Variants in ECI1 observed in about 807,000 individuals in gnomAD.
The protein encoded by ECI1 is enoyl-CoA delta isomerase 1, mitochondrial.
In ECI1, 34 loss-of-function variants were observed where a neutral mutation model predicts 34.2. The observed-to-expected ratio is 1.00, with a 90% confidence interval of 0.76 to 1.33. The LOEUF is 1.33. ECI1 is among the 40% of genes most tolerant of loss of function. The probability of loss-of-function intolerance (pLI) is 0.00; values close to 1 mark genes in which losing one functional copy is unlikely to be tolerated. For synonymous variants in ECI1, 211 were observed against 193.0 expected (o/e 1.09, Z -0.77); for missense variants, 456 against 422.2 (o/e 1.08, Z -0.70).
intron 3 of ECI1, among the ~76,000 whole-genome samples, chr16:2,245,528 G>A (rs1179147100): frequency 6.6e-6 from 1 of 152,162 alleles, no homozygotes; most frequent in African/African-American, 2.4e-5. Flanking sequence ...CACAGAATGG[G>A]TAGGCCGGTC....
Position 2,243,414 on chromosome 16 carries a change from A to AGGCAGCCTCCAGCGG in ECI1, c.452_466dup (p.Pro151_Cys155dup), listed in dbSNP as rs778293965. The stretch of plus-strand genomic sequence containing the variant: ...GCGGTAGTCACAGGTCAGGGCCACC[A>AGGCAGCCTCCAGCGG]GGCAGCCTCCAGCGGGGCAGGCTCC... On this transcript the variant is annotated inframe_insertion, in exon 5 of 7. Coordinates refer to ENST00000301729, the MANE Select transcript of ECI1 (RefSeq NM_001919.4). The AGGCAGCCTCCAGCGG allele has an allele frequency of 2.5e-5, 40 of 1,613,314 alleles. No individual in the cohort carries two copies. Among genetic ancestry groups the AGGCAGCCTCCAGCGG allele is most frequent in the Non-Finnish European group, 3.3e-5 (39 of 1,180,032 alleles).
At chr16:2,242,941 T>G in intron 6 of ECI1, 105 bp downstream of exon 6, 2 of 903,242 alleles carry the variant, frequency 2.2e-6, no homozygotes, top group Non-Finnish European at 3.5e-6. Flanking sequence ...ATGGCTGTGA[T>G]TATCAACAGT....
At chr16:2,242,391 C>G (rs1174191045) in intron 6 of ECI1, 2 of 153,814 alleles carry the variant, frequency 1.3e-5, no homozygotes, top group Non-Finnish European at 2.9e-5. Flanking sequence ...ACAGAGCCCA[C>G]AAGCCACCTG....
intron 2 of ECI1, among the ~76,000 whole-genome samples, chr16:2,248,143 C>CT (rs1171205548): frequency 2.6e-5 from 4 of 152,130 alleles, no homozygotes; most frequent in African/African-American, 9.7e-5. Context: ...GTCGCCCAGG[C>CT]TGGAGTGCAG....
chr16:2,240,102 C>T lies in ECI1; in HGVS notation c.786G>A (p.Thr262=), dbSNP rs201856225. ...QLTKAMMRKA[T]ASRLVTQRDA... Reference sequence around the variant, plus strand: ...CGCGCTGCGTGACCAGGCGGCTGGCCGTGGCCTTTCGCATCATGGCCTTGG... The same window carrying T: ...CGCGCTGCGTGACCAGGCGGCTGGCTGTGGCCTTTCGCATCATGGCCTTGG... Residue 262 remains threonine, a synonymous_variant, in exon 7 of 7, where the codon ACG becomes ACA. Transcript: ENST00000301729. 42 of 1,613,828 alleles carry T rather than the reference C, an allele frequency of 2.6e-5. No individual in the cohort carries two copies. The highest frequency in any genetic ancestry group is 1.1e-4 in the East Asian group (5 of 44,874).
chr16:2,249,594 G>T (rs1372614913), intron 2 of ECI1, among the ~76,000 whole-genome samples: 1 of 151,688 alleles, frequency 6.6e-6, no homozygotes, highest in African/African-American at 2.4e-5. Context: ...AACGTAAGCC[G>T]GGCGCGGTGG....
At position 2,239,609 on chromosome 16, in the gene ECI1, C is replaced by G; in HGVS notation, c.*370G>C. ...TGTGGGTCATGGGGGCCAAGACCAC[C>G]TGGCCTTACACCTAAGAGCAGGCAG... On this transcript the variant is annotated 3_prime_UTR_variant, in exon 7 of 7. Coordinates refer to ENST00000301729, the MANE Select transcript of ECI1 (RefSeq NM_001919.4). The G allele has an allele frequency of 2.8e-6, 1 of 353,792 alleles. No homozygotes were observed. Among genetic ancestry groups the G allele is most frequent in the Non-Finnish European group, 5.5e-6 (1 of 181,618 alleles). 21.9% of individuals were successfully genotyped at this position (353,792 alleles called of 1,614,324 possible). A position where few individuals can be genotyped will look rare whatever the true frequency, so the allele number is the denominator to read the frequency against.
Position 2,239,945 on chromosome 16 carries a change from C to A in ECI1, c.*34G>T, listed in dbSNP as rs763899958. ...AAGACCTCCCTGGGACCCACAGGGGCACGTGTGGCCGTAAGCCTGTGGCAG... is the reference window on the plus strand; with the variant it reads ...AAGACCTCCCTGGGACCCACAGGGGAACGTGTGGCCGTAAGCCTGTGGCAG... On this transcript the variant is annotated 3_prime_UTR_variant, in exon 7 of 7. Transcript: ENST00000301729. 6.2e-7 allele frequency: 1 copy of A among 1,610,774 alleles called. No homozygotes were observed. The highest frequency in any genetic ancestry group is 1.1e-5 in the South Asian group (1 of 91,028).
chr16:2,250,681 T>G (rs1033545341), intron 2 of ECI1, among the ~76,000 whole-genome samples: 2 of 152,170 alleles, frequency 1.3e-5, no homozygotes, highest in Non-Finnish European at 2.9e-5. Flanking sequence ...TTACCAAGGG[T>G]TCTGACGGGC....
At chr16:2,244,250 C>T (rs1257575735) in intron 4 of ECI1, 156 bp downstream of exon 4, 13 of 890,016 alleles carry the variant, frequency 1.5e-5, no homozygotes, top group Admixed American at 2.1e-5. Flanking sequence ...CAACACGCCC[C>T]GTGGTCTGCG....
chr16:2,243,173 G>C lies in ECI1; in HGVS notation c.615C>G (p.Ala205=), dbSNP rs778612817. Residue 205 remains alanine (A), a synonymous_variant, in exon 6 of 7, where the codon GCC becomes GCG. Transcript: ENST00000301729. ...NTIGHRAAER[A]LQLGLLFPPA... is the part of the protein sequence containing the mutation. ...GCGGGAAGAGCAGCCCCAGCTGCAG[G>C]GCACGCTCCGCCGCCCGGTGCCCGA... 6.2e-7 allele frequency: 1 copy of C among 1,608,430 alleles called. No individual in the cohort carries two copies. Among genetic ancestry groups the C allele is most frequent in the East Asian group, 2.2e-5 (1 of 44,876 alleles).
rs2093541591 is a variant in ECI1, at chr16:2,246,894, T to C, written c.259A>G (p.Asn87Asp). Residue 87 changes from asparagine (N) to aspartate (D), a missense_variant, in exon 3 of 7, where the codon AAT becomes GAT. Transcript: ENST00000301729. ...ATGACACCGCGGAAGCTCTTGTCAT[T>C]CTCCAGCTTCTCCAGGCTGATGACC... ...ELVISLEKLE[N>D]DKSFRGVILT... The C allele has an allele frequency of 1.9e-6, 3 of 1,613,522 alleles. No homozygotes were observed. Among genetic ancestry groups the C allele is most frequent in the African/African-American group, 2.7e-5 (2 of 75,008 alleles).
intron 6 of ECI1, chr16:2,240,848 C>A (rs895882835): frequency 1.3e-5 from 2 of 152,016 alleles, no homozygotes; most frequent in Non-Finnish European, 2.9e-5. Context: ...AGGAGCATTA[C>A]CATGCCCGGC....
At chr16:2,243,633 C>A (rs530580529) in intron 4 of ECI1, among the ~76,000 whole-genome samples, 194 bp from the exon 5 acceptor site, 1 of 152,166 alleles carries the variant, frequency 6.6e-6, no homozygotes, top group Non-Finnish European at 1.5e-5. Context: ...CCTTAGCGCT[C>A]GGCAAGGAGG....
chr16:2,244,776 G>A (rs926926146), intron 3 of ECI1, among the ~76,000 whole-genome samples: 4 of 152,134 alleles, frequency 2.6e-5, no homozygotes, highest in African/African-American at 9.7e-5. Context: ...TCCCTTTCCC[G>A]CTTCAAACTG....
chr16:2,247,807 A>T (rs969282833), intron 2 of ECI1, among the ~76,000 whole-genome samples: 1 of 152,152 alleles, frequency 6.6e-6, no homozygotes, highest in African/African-American at 2.4e-5. Flanking sequence ...CCTGGGCTCC[A>T]GCGATCCTCC....
chr16:2,239,727 G>A lies in ECI1; in HGVS notation c.*252C>T. 1.9e-6 allele frequency: 1 copy of A among 532,466 alleles called. No homozygotes were observed. The highest frequency in any genetic ancestry group is 3.4e-5 in the East Asian group (1 of 29,286). 33.0% of individuals were successfully genotyped at this position (532,466 alleles called of 1,614,324 possible). On this transcript the variant is annotated 3_prime_UTR_variant, in exon 7 of 7. Transcript: ENST00000301729. ...TGGCAACCTCACCAGGTCCAGAATGGCATCCCCTGCCAGTCACAATCCCAA... is the reference window on the plus strand; with the variant it reads ...TGGCAACCTCACCAGGTCCAGAATGACATCCCCTGCCAGTCACAATCCCAA...
Position 2,240,077 on chromosome 16 carries a change from C to A in ECI1, c.811G>T (p.Asp271Tyr), listed in dbSNP as rs776594701. Reference protein sequence around the residue: ...ATASRLVTQRDADVQNFVSFI... With the variant: ...ATASRLVTQRYADVQNFVSFI... ...CTGACGAAGTTCTGCACGTCCGCAT[C>A]GCGCTGCGTGACCAGGCGGCTGGCC... The change falls in exon 7 of 7, where the codon GAT becomes TAT. Residue 271 changes from aspartate (D) to tyrosine (Y), a missense_variant. Transcript: ENST00000301729. 6.2e-7 allele frequency: 1 copy of A among 1,614,002 alleles called. No homozygotes were observed. Among genetic ancestry groups the A allele is most frequent in the Non-Finnish European group, 8.5e-7 (1 of 1,180,046 alleles).
rs2093541870 is a variant in ECI1 at position 2,246,972 on chromosome 16, T to C, written c.181A>G (p.Lys61Glu). The change falls in exon 3 of 7, where the codon AAA (lysine) becomes GAA (glutamate). Residue 61 changes from lysine to glutamate, a missense_variant. Physicochemically the swap from Lys to Glu is moderately conservative, Grantham distance 56. Coordinates refer to ENST00000301729, the MANE Select transcript of ECI1 (RefSeq NM_001919.4). ...CTGTTCACTGGGGGGTTCTTGAATT[T>C]CATCACAGCGACCCCTAATTTAAAG... ...PDAGAGVAVM[K>E]FKNPPVNSLS... is the part of the protein sequence containing the mutation. 1.2e-6 allele frequency: 2 copies of C among 1,613,562 alleles called. No individual in the cohort carries two copies. Among genetic ancestry groups the C allele is most frequent in the Non-Finnish European group, 8.5e-7 (1 of 1,180,012 alleles).
Sources: gnomAD v4.1 joint callset for allele counts (sites outside exome capture counted in the v4.1 genomes callset) on GRCh38, gnomAD v4.1.1 for gene constraint, MANE v1.5 for transcripts, NCBI Gene and HGNC (gene_info 2026-07-23, HGNC 2026-07-21) for gene names.